The following DNAJA3 variants were observed in gnomAD, a reference collection of about 807,000 sequenced individuals.
The protein encoded by DNAJA3 is dnaJ homolog subfamily A member 3, mitochondrial.
DNAJA3 carries 29 observed loss-of-function variants against 54.9 expected under a neutral mutation model. The ratio of observed to expected loss-of-function variants is 0.53; its 90% CI spans 0.39 to 0.72. The LOEUF (loss-of-function observed/expected upper bound fraction) is 0.72, where lower values mean the gene tolerates loss of function less well. Among genes scored for constraint, DNAJA3 ranks in the 30% least tolerant of loss-of-function variants. DNAJA3 has a pLI of 0.00. For missense variants in DNAJA3, 708 were observed against 639.4 expected, an observed-to-expected ratio of 1.11 and a Z score of -1.16; for synonymous variants, 302 against 251.4, an observed-to-expected ratio of 1.20 and a Z score of -1.90.
At chr16:4,444,044 G>A (rs1270981472) in intron 6 of DNAJA3, among the ~76,000 whole-genome samples, 3 of 152,150 alleles carry the variant, frequency 2.0e-5, no homozygotes, top group Non-Finnish European at 4.4e-5. Context: ...CCATTGAAGA[G>A]CATGTCTCTG....
chr16:4,448,041 T>TTTTTC (rs2056925216), intron 8 of DNAJA3: 1 of 142,306 alleles, frequency 7.0e-6, no homozygotes, highest in Non-Finnish European at 1.5e-5. Context: ...TTTTTTTTTT[T>TTTTTC]TTTTTTGAGA....
intron 7 of DNAJA3, among the ~76,000 whole-genome samples, chr16:4,445,498 G>T (rs2056892199): frequency 6.6e-6 from 1 of 152,202 alleles, no homozygotes; most frequent in Non-Finnish European, 1.5e-5. Context: ...TAAAGTCAGG[G>T]TTGTGGTTAG....
intron 10 of DNAJA3, among the ~76,000 whole-genome samples, chr16:4,454,482 G>A (rs926341368): frequency 6.6e-6 from 1 of 152,226 alleles, no homozygotes; most frequent in African/African-American, 2.4e-5. Flanking sequence ...CCTGGGAGGT[G>A]CCTGGCACTT....
Position 4,448,786 on chromosome 16 carries a change from C to T in DNAJA3, c.1179C>T (p.Ile393=), listed in dbSNP as rs981469060. ...DQKIRMGGKG[I]PRINSYGYGD... ...AGATTCGGATGGGTGGGAAAGGCAT[C>T]CCCCGGATTAACAGCTACGGCTACG... Residue 393 remains isoleucine, a synonymous_variant, in exon 9 of 12, where the codon ATC becomes ATT. Coordinates refer to ENST00000262375, the MANE Select transcript of DNAJA3 (RefSeq NM_005147.6). 6.2e-7 allele frequency: 1 copy of T among 1,614,102 alleles called. No individual in the cohort carries two copies.
chr16:4,427,624 C>G (rs28513833), intron 1 of DNAJA3, among the ~76,000 whole-genome samples: 1 of 152,104 alleles, frequency 6.6e-6, no homozygotes, highest in Non-Finnish European at 1.5e-5. Flanking sequence ...GAGGAGATGG[C>G]AGAGAACAAA....
chr16:4,449,149 A>G (rs904953339), intron 9 of DNAJA3, among the ~76,000 whole-genome samples: 3 of 151,706 alleles, frequency 2.0e-5, no homozygotes, highest in Admixed American at 2.0e-4. Context: ...GGTGCCTGCC[A>G]CCATGCCCGG....
At chr16:4,442,067 A>G (rs773069087) in intron 4 of DNAJA3, among the ~76,000 whole-genome samples, 9 of 152,180 alleles carry the variant, frequency 5.9e-5, no homozygotes, top group East Asian at 1.9e-4. Flanking sequence ...TAAGTCATAC[A>G]TTATCTCTTA....
In DNAJA3 at chr16:4,426,055, A is replaced by G. The variant is rs1405363983; in HGVS notation, c.174A>G (p.Arg58=). The G allele has an allele frequency of 6.2e-7, 1 of 1,603,646 alleles. No homozygotes were observed. The highest frequency in any genetic ancestry group is 2.3e-5 in the East Asian group (1 of 43,604). The change falls in exon 1 of 12, where the codon CGA becomes CGG. Residue 58 remains arginine, a synonymous_variant. Transcript: ENST00000262375. The stretch of plus-strand genomic sequence containing the variant: ...CTTCCCTGACCTCTTGCGGCCCCCG[A>G]GCGCTGCTGACATTGAGACCTGGTG... ...FASSLTSCGP[R]ALLTLRPGVS...
chr16:4,441,097 C>G, intron 3 of DNAJA3: 1 of 508,444 alleles, frequency 2.0e-6, no homozygotes, highest in Non-Finnish European at 3.5e-6. Context: ...CCTGTGAGGT[C>G]AAGCGAGGAT....
chr16:4,427,350 G>C (rs140548012), intron 1 of DNAJA3: 1 of 152,148 alleles, frequency 6.6e-6, no homozygotes, highest in African/African-American at 2.4e-5. Context: ...ATTAATTAAA[G>C]GGCCCTGACA....
At chr16:4,455,473 A>G (rs920845611) in intron 11 of DNAJA3, 73 bp from the exon 12 acceptor site, 19 of 1,525,628 alleles carry the variant, frequency 1.2e-5, no homozygotes, top group Non-Finnish European at 1.6e-5. Context: ...CCAGGGATTA[A>G]CAGACGCTCC....
At chr16:4,446,864 C>G (rs552548240) in intron 7 of DNAJA3, 22 bp from the exon 8 acceptor site, 5 of 1,612,820 alleles carry the variant, frequency 3.1e-6, no homozygotes, top group Non-Finnish European at 3.4e-6. Context: ...TCTTCACATG[C>G]ATCTGTCATG....
intron 1 of DNAJA3, among the ~76,000 whole-genome samples, chr16:4,433,556 A>G (rs1020866062): frequency 6.6e-6 from 1 of 152,160 alleles, no homozygotes; most frequent in Non-Finnish European, 1.5e-5. Context: ...CAGTCTAATG[A>G]TGCTGTTGGT....
At chr16:4,448,561 C>G (rs2056934662) in intron 8 of DNAJA3, among the ~76,000 whole-genome samples, 172 bp from the exon 9 acceptor site, 2 of 152,132 alleles carry the variant, frequency 1.3e-5, no homozygotes, top group African/African-American at 4.8e-5. Context: ...CCAGGCAGGT[C>G]TTGAACTCCT....
intron 1 of DNAJA3, chr16:4,431,538 C>G (rs1055591319): frequency 1.1e-4 from 17 of 152,056 alleles, no homozygotes; most frequent in African/African-American, 3.6e-4. Flanking sequence ...GTGTTTTGTG[C>G]TGATTAACTT....
At chr16:4,439,717 A>G (rs772610000) in intron 3 of DNAJA3, among the ~76,000 whole-genome samples, 3 of 152,092 alleles carry the variant, frequency 2.0e-5, no homozygotes, top group Non-Finnish European at 2.9e-5. Context: ...ATTCCTTGGG[A>G]AGGGCTGGAA....
intron 3 of DNAJA3, chr16:4,440,555 C>A (rs552651990): frequency 6.6e-6 from 1 of 150,568 alleles, no homozygotes; most frequent in East Asian, 2.0e-4. Context: ...CGCGCCACTG[C>A]ACTCCAGCCT....
chr16:4,448,661 C>T, intron 8 of DNAJA3, 72 bp from the exon 9 acceptor site: 6 of 1,031,560 alleles, frequency 5.8e-6, no homozygotes, highest in Non-Finnish European at 8.9e-6. Context: ...TCAAGATTGT[C>T]TTCATGTAGT....
rs962650800 is a variant in DNAJA3, at chr16:4,442,541, G to A, written c.783+121G>A. The stretch of plus-strand genomic sequence containing the variant: ...TTGGGGGAGTTGGTGAACTCAGCCT[G>A]GCTGTCTTTCCCCCGTGACCCTGAG... On this transcript the variant is annotated intron_variant, in intron 5 of 11. Coordinates refer to ENST00000262375, the MANE Select transcript of DNAJA3 (RefSeq NM_005147.6). 1.8e-5 allele frequency: 22 copies of A among 1,228,960 alleles called. No individual in the cohort carries two copies. In the African/African-American group the frequency reaches 3.1e-4, roughly 17 times the overall value. The allele number at this position is 1,228,960 out of a possible 1,614,324, so 76.1% of individuals were successfully genotyped here. A position where few individuals can be genotyped will look rare whatever the true frequency, so the allele number is the denominator to read the frequency against.
Sources: gnomAD v4.1 joint callset for allele counts (sites outside exome capture counted in the v4.1 genomes callset) on GRCh38, gnomAD v4.1.1 for gene constraint, MANE v1.5 for transcripts, NCBI Gene and HGNC (gene_info 2026-07-23, HGNC 2026-07-21) for gene names.